GUCY1A2: variants seen among roughly 807,000 people sequenced by gnomAD.
GUCY1A2 encodes guanylate cyclase soluble subunit alpha-2.
A neutral mutation model predicts 63.5 loss-of-function variants in GUCY1A2; 27 were observed. That is an observed-to-expected ratio of 0.43 (90% CI 0.31 to 0.59). The LOEUF is 0.59. Ranked by LOEUF, GUCY1A2 falls within the 20% of genes least tolerant of loss-of-function variation. The probability of loss-of-function intolerance (pLI) is 0.11; values close to 1 mark genes in which losing one functional copy is unlikely to be tolerated. For synonymous variants in GUCY1A2, 364 were observed against 343.5 expected (o/e 1.06, Z -0.66); for missense variants, 768 against 913.3 (o/e 0.84, Z 2.05).
At chr11:106,735,274 C>T (rs938675120) in intron 6 of GUCY1A2, among the ~76,000 whole-genome samples, 2 of 152,040 alleles carry the variant, frequency 1.3e-5, no homozygotes, top group African/African-American at 2.4e-5. Flanking sequence ...TTAGCCAACC[C>T]CATTTTCCTC....
At chr11:106,933,808 A>T (rs1034673610) in intron 4 of GUCY1A2, among the ~76,000 whole-genome samples, 1 of 152,166 alleles carries the variant, frequency 6.6e-6, no homozygotes, top group African/African-American at 2.4e-5. Flanking sequence ...GCCATAAAAA[A>T]AGATGCAGCT....
At chr11:107,003,665 T>C (rs1861636828) in intron 1 of GUCY1A2, among the ~76,000 whole-genome samples, 1 of 152,206 alleles carries the variant, frequency 6.6e-6, no homozygotes, top group Non-Finnish European at 1.5e-5. Flanking sequence ...CTAATCATTT[T>C]TACTAAATTC....
chr11:106,802,327 T>G (rs1858616881), intron 5 of GUCY1A2, among the ~76,000 whole-genome samples: 1 of 152,182 alleles, frequency 6.6e-6, no homozygotes, highest in Non-Finnish European at 1.5e-5. Context: ...GCTTACAGCT[T>G]AAATTCTTTA....
At chr11:106,951,643 C>T (rs1242361360) in intron 3 of GUCY1A2, among the ~76,000 whole-genome samples, 3 of 151,932 alleles carry the variant, frequency 2.0e-5, no homozygotes, top group Non-Finnish European at 4.4e-5. Context: ...GGATATTAGC[C>T]CTTTGTCAGA....
intron 3 of GUCY1A2, among the ~76,000 whole-genome samples, chr11:106,974,029 T>C (rs1467885978): frequency 6.6e-6 from 1 of 152,090 alleles, no homozygotes; most frequent in Non-Finnish European, 1.5e-5. Context: ...GTGCAGCTAG[T>C]AAGTAGCTGA....
intron 4 of GUCY1A2, among the ~76,000 whole-genome samples, chr11:106,925,855 T>C (rs548854696): frequency 3.3e-5 from 5 of 152,230 alleles, no homozygotes; most frequent in East Asian, 3.9e-4. Flanking sequence ...ACAAAGGAGA[T>C]AGACAAAATT....
intron 6 of GUCY1A2, among the ~76,000 whole-genome samples, chr11:106,733,761 T>C (rs1310490915): frequency 6.6e-6 from 1 of 152,000 alleles, no homozygotes; most frequent in Non-Finnish European, 1.5e-5. Flanking sequence ...AATACAGCCC[T>C]CAACAGCTGG....
At chr11:106,701,484 C>T (rs1402205447) in intron 7 of GUCY1A2, among the ~76,000 whole-genome samples, 1 of 152,014 alleles carries the variant, frequency 6.6e-6, no homozygotes, top group Non-Finnish European at 1.5e-5. Context: ...CACTTTGCTC[C>T]CCACTGCTCT....
intron 1 of GUCY1A2, among the ~76,000 whole-genome samples, chr11:107,007,750 A>G (rs909975178): frequency 6.6e-6 from 1 of 152,218 alleles, no homozygotes; most frequent in Non-Finnish European, 1.5e-5. Flanking sequence ...GTGTCCACTA[A>G]TGATTATTGT....
chr11:106,726,419 A>T (rs552023551), intron 6 of GUCY1A2, among the ~76,000 whole-genome samples: 1 of 152,150 alleles, frequency 6.6e-6, no homozygotes, highest in Non-Finnish European at 1.5e-5. Context: ...TCCATCTCAG[A>T]ACAAAACAAA....
At chr11:106,843,000 A>G (rs186269694) in intron 4 of GUCY1A2, among the ~76,000 whole-genome samples, 2 of 151,906 alleles carry the variant, frequency 1.3e-5, no homozygotes, top group Non-Finnish European at 2.9e-5. Context: ...TTTACATATT[A>G]TGATTCCAAG....
At chr11:106,846,593 G>A (rs749352786) in intron 4 of GUCY1A2, among the ~76,000 whole-genome samples, 1 of 151,550 alleles carries the variant, frequency 6.6e-6, no homozygotes, top group Non-Finnish European at 1.5e-5. Flanking sequence ...GACACAATAC[G>A]GAGATCTTCA....
intron 6 of GUCY1A2, among the ~76,000 whole-genome samples, chr11:106,709,808 AAT>A (rs1465980100): frequency 1.4e-5 from 2 of 140,854 alleles, no homozygotes; most frequent in African/African-American, 5.1e-5. Context: ...ACACGTATAG[AAT>A]ATATAGTTAT....
Position 106,733,557 on chromosome 11 carries a change from C to A in GUCY1A2, c.1837-24891G>T, listed in dbSNP as rs143197887. ...AAAGTAATTACTTTTTATTAAAATGCGATGAAATTTTAAGTCTAGTTTATG... is the reference window on the plus strand; with the variant it reads ...AAAGTAATTACTTTTTATTAAAATGAGATGAAATTTTAAGTCTAGTTTATG... On this transcript the variant is annotated intron_variant, in intron 6 of 7. Transcript: ENST00000526355. Among the ~76,000 whole-genome samples the A allele has an allele frequency of 2.0e-5, 3 of 152,062 alleles. No individual in the cohort carries two copies. The East Asian group carries it at 5.8e-4, about 29-fold the overall frequency.
intron 3 of GUCY1A2, among the ~76,000 whole-genome samples, chr11:106,963,954 A>G (rs1861092866): frequency 6.6e-6 from 1 of 152,092 alleles, no homozygotes; most frequent in South Asian, 2.1e-4. Context: ...AAAAATTCTC[A>G]TATTCATCTC....
intron 4 of GUCY1A2, among the ~76,000 whole-genome samples, chr11:106,811,598 G>A (rs945570821): frequency 5.3e-5 from 8 of 151,992 alleles, no homozygotes; most frequent in Admixed American, 2.0e-4. Context: ...ATAAACTATT[G>A]GGATCTGGAT....
At chr11:106,830,636 C>T (rs74643308) in intron 4 of GUCY1A2, among the ~76,000 whole-genome samples, 1 of 152,212 alleles carries the variant, frequency 6.6e-6, no homozygotes, top group African/African-American at 2.4e-5. Flanking sequence ...CAACAGACTC[C>T]AAGTTCTTCA....
chr11:106,811,987 A>G (rs1858767961), intron 4 of GUCY1A2, among the ~76,000 whole-genome samples: 1 of 151,986 alleles, frequency 6.6e-6, no homozygotes, highest in Non-Finnish European at 1.5e-5. Flanking sequence ...TCAAAATACT[A>G]CAGGTTATGG....
chr11:106,940,584 T>C (rs1303378740), intron 3 of GUCY1A2, among the ~76,000 whole-genome samples: 1 of 152,172 alleles, frequency 6.6e-6, no homozygotes, highest in Non-Finnish European at 1.5e-5. Flanking sequence ...ACATGATGCA[T>C]TATTATCATC....
Sources: gnomAD v4.1 joint callset for allele counts (sites outside exome capture counted in the v4.1 genomes callset) on GRCh38, gnomAD v4.1.1 for gene constraint, MANE v1.5 for transcripts, NCBI Gene and HGNC (gene_info 2026-07-23, HGNC 2026-07-21) for gene names.